Variants in NRG1 observed in about 807,000 individuals in gnomAD.
NRG1 encodes neuregulin 1, also known as pro-neuregulin-1, membrane-bound isoform.
A neutral mutation model predicts 63.8 loss-of-function variants in NRG1; 18 were observed. That is an observed-to-expected ratio of 0.28 (90% CI 0.19 to 0.42). NRG1 has a LOEUF of 0.42. NRG1 is among the 10% of genes least tolerant of loss of function. NRG1 has a pLI of 1.00. For synonymous variants in NRG1, 302 were observed against 301.3 expected, an observed-to-expected ratio of 1.00 and a Z score of -0.02; for missense variants, 762 against 814.7, an observed-to-expected ratio of 0.94 and a Z score of 0.79.
intron 1 of NRG1, among the ~76,000 whole-genome samples, chr8:31,775,851 C>G (rs1475834462): frequency 7.2e-6 from 1 of 138,370 alleles, no homozygotes; most frequent in Non-Finnish European, 1.5e-5. Flanking sequence ...CCACCACACT[C>G]CAGCCTGGGC....
chr8:31,937,922 T>C (rs1287405856), intron 1 of NRG1, among the ~76,000 whole-genome samples: 1 of 152,186 alleles, frequency 6.6e-6, no homozygotes, highest in Non-Finnish European at 1.5e-5. Context: ...CCTGGTGGTC[T>C]TTCTCTATCA....
chr8:32,582,684 C>A (rs1228866666), intron 1 of NRG1, among the ~76,000 whole-genome samples: 1 of 152,180 alleles, frequency 6.6e-6, no homozygotes, highest in Admixed American at 6.5e-5. Context: ...AGAACCTGAG[C>A]CAACCTGACT....
chr8:32,219,563 C>T (rs977091296), intron 1 of NRG1, among the ~76,000 whole-genome samples: 2 of 152,146 alleles, frequency 1.3e-5, no homozygotes, highest in African/African-American at 2.4e-5. Flanking sequence ...GGGTTACAAA[C>T]GTCTATTTTC....
intron 1 of NRG1, among the ~76,000 whole-genome samples, chr8:31,761,652 A>C (rs1207910684): frequency 2.6e-5 from 4 of 152,136 alleles, no homozygotes; most frequent in Non-Finnish European, 5.9e-5. Context: ...CACACATAAC[A>C]TTTGTTAAGT....
chr8:32,332,603 C>G (rs1034002655), intron 1 of NRG1, among the ~76,000 whole-genome samples: 1 of 152,278 alleles, frequency 6.6e-6, no homozygotes, highest in Middle Eastern at 3.4e-3. Flanking sequence ...ATTCTTCTGA[C>G]CCTCATCACA....
At position 32,198,621 on chromosome 8, in the gene NRG1, A is replaced by G. The variant is rs557324565; in HGVS notation, c.38-397207A>G. Among the ~76,000 whole-genome samples, 22 of 152,358 alleles carry G rather than the reference A, an allele frequency of 1.4e-4. No homozygotes were observed. In the South Asian group the frequency reaches 4.6e-3, roughly 32 times the overall value. On this transcript the variant is annotated intron_variant, in intron 1 of 10. Transcript: ENST00000519301. ...AGGTAAAGTTGAAAGAAAGGATAGG[A>G]GGAACCATTTACTGTGCACCTACTT...
intron 1 of NRG1, among the ~76,000 whole-genome samples, chr8:32,165,851 C>A (rs1839341184): frequency 6.6e-6 from 1 of 152,038 alleles, no homozygotes; most frequent in Non-Finnish European, 1.5e-5. Context: ...GTGAAAGATA[C>A]CAAGAAAATC....
At chr8:32,427,753 C>T (rs1817581828) in intron 1 of NRG1, among the ~76,000 whole-genome samples, 1 of 152,116 alleles carries the variant, frequency 6.6e-6, no homozygotes, top group Admixed American at 6.6e-5. Context: ...ACGTGTGCGA[C>T]AGGATAAGCT....
At chr8:32,063,038 T>C (rs901900652) in intron 1 of NRG1, 2 of 152,148 alleles carry the variant, frequency 1.3e-5, no homozygotes, top group Non-Finnish European at 2.9e-5. Context: ...TTTGGCACTT[T>C]TGTAAACTGT....
chr8:32,768,810 C>T (rs1293575505), downstream of NRG1, among the ~76,000 whole-genome samples: 1 of 152,104 alleles, frequency 6.6e-6, no homozygotes, highest in East Asian at 1.9e-4. Context: ...TGAACAGTGG[C>T]CTCCTTTGGA....
intron 7 of NRG1, chr8:32,750,943 T>C (rs1429812981): frequency 3.9e-5 from 6 of 152,114 alleles, no homozygotes; most frequent in African/African-American, 1.2e-4. Context: ...TATTGGCCTA[T>C]CCTGCAGGGA....
chr8:31,828,066 A>G (rs921416089), intron 1 of NRG1, among the ~76,000 whole-genome samples: 47 of 152,342 alleles, frequency 3.1e-4, no homozygotes, highest in African/African-American at 1.1e-3. Context: ...CTTCTGCCAC[A>G]TATATTATCA....
chr8:32,452,782 G>C (rs1179108348), intron 1 of NRG1, among the ~76,000 whole-genome samples: 1 of 152,156 alleles, frequency 6.6e-6, no homozygotes, highest in East Asian at 1.9e-4. Flanking sequence ...TGCTTAGACT[G>C]TTCGAACTAT....
At chr8:32,281,792 G>A (rs1852882267) in intron 1 of NRG1, among the ~76,000 whole-genome samples, 1 of 144,894 alleles carries the variant, frequency 6.9e-6, no homozygotes, top group Admixed American at 6.9e-5. Flanking sequence ...GCCAGCCTGG[G>A]CAACATAGTG....
intron 1 of NRG1, among the ~76,000 whole-genome samples, chr8:31,761,305 G>A (rs1294316185): frequency 6.6e-6 from 1 of 152,102 alleles, no homozygotes; most frequent in Non-Finnish European, 1.5e-5. Context: ...ACTGTTGTGG[G>A]GTGAGGGGAG....
intron 1 of NRG1, among the ~76,000 whole-genome samples, chr8:32,359,122 T>C (rs1039046703): frequency 2.6e-5 from 4 of 152,146 alleles, no homozygotes; most frequent in African/African-American, 9.7e-5. Flanking sequence ...AGGATAAGTC[T>C]ACGTCAGCCC....
chr8:31,656,106 T>A (rs894263282), intron 1 of NRG1, among the ~76,000 whole-genome samples: 1 of 152,042 alleles, frequency 6.6e-6, no homozygotes, highest in Non-Finnish European at 1.5e-5. Context: ...TCTAGCTCCA[T>A]GAAGTAGATA....
chr8:31,737,498 G>A (rs1814805279), intron 1 of NRG1, among the ~76,000 whole-genome samples: 1 of 152,120 alleles, frequency 6.6e-6, no homozygotes, highest in South Asian at 2.1e-4. Context: ...TTATTGAACA[G>A]ATAAATGAAT....
chr8:32,763,326 C>T (rs1831052316), intron 11 of NRG1: 1 of 1,613,978 alleles, frequency 6.2e-7, no homozygotes, highest in South Asian at 1.1e-5. Flanking sequence ...CCCATTTGGG[C>T]TTCATTCTCT....
Sources: allele counts gnomAD v4.1 joint callset (sites outside exome capture counted in the v4.1 genomes callset), GRCh38; gene constraint gnomAD v4.1.1; transcripts MANE v1.5; gene names NCBI Gene and HGNC (gene_info 2026-07-23, HGNC 2026-07-21).